VAC14: variants seen among roughly 807,000 people sequenced by gnomAD.
VAC14 encodes protein VAC14 homolog.
VAC14 carries 47 observed loss-of-function variants against 85.3 expected under a neutral mutation model. The observed-to-expected ratio is 0.55, with a 90% CI of 0.44 to 0.70. The LOEUF (loss-of-function observed/expected upper bound fraction) is 0.70, where lower values mean the gene tolerates loss of function less well. Ranked by LOEUF, VAC14 falls within the 30% of genes least tolerant of loss-of-function variation. The pLI is 0.00. For synonymous variants in VAC14, 447 were observed against 430.5 expected, an observed-to-expected ratio of 1.04 and a Z score of -0.47; for missense variants, 861 against 1,004.3, an observed-to-expected ratio of 0.86 and a Z score of 1.93.
chr16:70,797,466 C>T (rs1163862878), intron 1 of VAC14, among the ~76,000 whole-genome samples: 2 of 152,140 alleles, frequency 1.3e-5, no homozygotes, highest in East Asian at 1.9e-4. Flanking sequence ...TATCATTCTC[C>T]CTACCAAAAA....
At chr16:70,776,595 A>C (rs2033530061) in intron 9 of VAC14, among the ~76,000 whole-genome samples, 1 of 152,026 alleles carries the variant, frequency 6.6e-6, no homozygotes, top group African/African-American at 2.4e-5. Flanking sequence ...TTTCAGTTAC[A>C]CCAATTTTAT....
rs1312088539 is a variant in VAC14, at chr16:70,785,787, G to A, written c.338C>T (p.Ala113Val). The A allele has an allele frequency of 1.3e-6, 2 of 1,593,398 alleles. No individual in the cohort carries two copies. Among genetic ancestry groups the A allele is most frequent in the East Asian group, 2.3e-5 (1 of 44,158 alleles). Residue 113 changes from alanine (A) to valine (V), a missense_variant, in exon 3 of 19, where the codon GCC (alanine) becomes GTC (valine). Ala to Val is a moderately conservative substitution (Grantham distance 64). Coordinates refer to ENST00000261776, the MANE Select transcript of VAC14 (RefSeq NM_018052.5). ...GACGATGTTGTAGAGGGCCTCGCAGGCATAGTAGCGCAGCCTGCTGTCTGC... is the reference window on the plus strand; with the variant it reads ...GACGATGTTGTAGAGGGCCTCGCAGACATAGTAGCGCAGCCTGCTGTCTGC... ...NDADSRLRYYACEALYNIVKV... is the reference protein window; with the variant it reads ...NDADSRLRYYVCEALYNIVKV...
At chr16:70,763,428 G>A (rs1454653728) in intron 10 of VAC14, among the ~76,000 whole-genome samples, 3 of 152,230 alleles carry the variant, frequency 2.0e-5, no homozygotes, top group Non-Finnish European at 4.4e-5. Context: ...CCAGGCTCAA[G>A]GCATTAAGTT....
intron 14 of VAC14, among the ~76,000 whole-genome samples, chr16:70,717,433 C>T (rs2054190420): frequency 6.6e-6 from 1 of 152,234 alleles, no homozygotes; most frequent in African/African-American, 2.4e-5. Context: ...TGCACACTAC[C>T]TTTATTTTTC....
chr16:70,773,834 G>C (rs1567592935), intron 9 of VAC14, among the ~76,000 whole-genome samples: 5 of 151,640 alleles, frequency 3.3e-5, no homozygotes, highest in African/African-American at 9.7e-5. Context: ...GCACAACCTT[G>C]GCTCACTGCA....
chr16:70,744,130 C>A (rs921395221), intron 13 of VAC14, among the ~76,000 whole-genome samples: 2 of 152,170 alleles, frequency 1.3e-5, no homozygotes, highest in African/African-American at 4.8e-5. Flanking sequence ...GCAGAGAGAC[C>A]AGCAGCCGAC....
intron 13 of VAC14, among the ~76,000 whole-genome samples, chr16:70,743,504 G>A (rs1001384053): frequency 1.3e-5 from 2 of 152,192 alleles, no homozygotes; most frequent in Non-Finnish European, 2.9e-5. Flanking sequence ...TTGCCGCAAA[G>A]GTCCGTGGCT....
At position 70,702,813 on chromosome 16, in the gene VAC14, C is replaced by T. The variant is rs998115541; in HGVS notation, c.1662-4002G>A. 3.3e-5 allele frequency among the ~76,000 whole-genome samples: 5 copies of T among 152,160 alleles called. No homozygotes were observed. In the South Asian group the frequency reaches 6.2e-4, roughly 19 times the overall value. ...TTCCACTACAGTCCCTAGTCCACAC[C>T]GGGATCTGTACAGACAGGTGGCCTT... On this transcript the variant is annotated intron_variant, in intron 14 of 18. Coordinates refer to ENST00000261776, the MANE Select transcript of VAC14 (RefSeq NM_018052.5).
At chr16:70,721,485 G>A (rs2054291456) in intron 14 of VAC14, among the ~76,000 whole-genome samples, 1 of 152,080 alleles carries the variant, frequency 6.6e-6, no homozygotes, top group Admixed American at 6.5e-5. Flanking sequence ...GAAGGAAGAG[G>A]AGGACAAGGA....
At position 70,687,732 on chromosome 16, in the gene VAC14, G is replaced by T; in HGVS notation, c.*196C>A. On this transcript the variant is annotated 3_prime_UTR_variant, in exon 19 of 19. Transcript: ENST00000261776. ...TCTGTGAGAATGCCAGGGTGCAGCT[G>T]ACAGCGCTGGAGGCCTGGGGACTGG... is the stretch of plus-strand genomic sequence containing the variant. The T allele has an allele frequency of 2.0e-6, 1 of 505,688 alleles. No homozygotes were observed. Among genetic ancestry groups the T allele is most frequent in the Non-Finnish European group, 3.1e-6 (1 of 323,460 alleles). The allele number at this position is 505,688 out of a possible 1,614,324, so 31.3% of individuals were successfully genotyped here.
At chr16:70,780,502 A>G (rs952430684) in intron 9 of VAC14, among the ~76,000 whole-genome samples, 2 of 152,230 alleles carry the variant, frequency 1.3e-5, no homozygotes, top group East Asian at 3.8e-4. Flanking sequence ...TCTTTGAGGC[A>G]GGAAGGGTTA....
chr16:70,746,618 TA>T (rs1352541582), intron 12 of VAC14, among the ~76,000 whole-genome samples: 1 of 152,116 alleles, frequency 6.6e-6, no homozygotes, highest in Non-Finnish European at 1.5e-5. Flanking sequence ...AGCCTAGAAG[TA>T]GGGAGGGCCG....
chr16:70,760,292 G>A (rs751707504), intron 12 of VAC14, among the ~76,000 whole-genome samples: 2 of 152,114 alleles, frequency 1.3e-5, no homozygotes, highest in Non-Finnish European at 1.5e-5. Context: ...AAAATCCTGA[G>A]AGGGCACTTT....
chr16:70,706,003 G>A (rs1337275395), intron 14 of VAC14, among the ~76,000 whole-genome samples: 1 of 152,162 alleles, frequency 6.6e-6, no homozygotes, highest in Non-Finnish European at 1.5e-5. Context: ...ACCACCCCAA[G>A]AACCCTATCG....
At chr16:70,783,649 T>G (rs570511940) in intron 5 of VAC14, 95 bp from the exon 6 acceptor site, 48 of 1,234,720 alleles carry the variant, frequency 3.9e-5, no homozygotes, top group Non-Finnish European at 5.2e-5. Flanking sequence ...AAGGGGACCC[T>G]GCTGAGACAG....
intron 12 of VAC14, among the ~76,000 whole-genome samples, chr16:70,757,700 A>G (rs566662215): frequency 4.6e-5 from 7 of 152,320 alleles, no homozygotes; most frequent in African/African-American, 1.4e-4. Context: ...TGCAGAGCCC[A>G]TTGCCCTGAT....
intron 12 of VAC14, among the ~76,000 whole-genome samples, chr16:70,759,100 T>C (rs1440944479): frequency 1.3e-5 from 2 of 152,150 alleles, no homozygotes; most frequent in Non-Finnish European, 2.9e-5. Flanking sequence ...GCTGGGTCTC[T>C]GAGGCTCTGC....
At chr16:70,755,934 C>CA (rs1466100813) in intron 12 of VAC14, 1 of 447,848 alleles carries the variant, frequency 2.2e-6, no homozygotes, top group African/African-American at 2.0e-5. Context: ...CCTCACAGCA[C>CA]AGCTCGGGGG....
intron 14 of VAC14, among the ~76,000 whole-genome samples, chr16:70,720,216 C>T (rs1468444797): frequency 6.6e-6 from 1 of 152,168 alleles, no homozygotes; most frequent in Non-Finnish European, 1.5e-5. Flanking sequence ...AAAGTGACCT[C>T]TCTGGTGCTG....
Sources: allele counts gnomAD v4.1 joint callset (sites outside exome capture counted in the v4.1 genomes callset), GRCh38; gene constraint gnomAD v4.1.1; transcripts MANE v1.5; gene names NCBI Gene and HGNC (gene_info 2026-07-23, HGNC 2026-07-21).